Variants in DNER observed in about 807,000 individuals in gnomAD.
DNER encodes delta and Notch-like epidermal growth factor-related receptor.
A neutral mutation model predicts 78.2 loss-of-function variants in DNER; 33 were observed. The observed-to-expected ratio is 0.42, with a 90% CI of 0.32 to 0.56. DNER has a LOEUF of 0.56. Among genes scored for constraint, DNER ranks in the 20% least tolerant of loss-of-function variants. DNER has a pLI of 0.11. For missense variants in DNER, 918 were observed against 975.3 expected, an observed-to-expected ratio of 0.94 and a Z score of 0.78; for synonymous variants, 417 against 384.8, an observed-to-expected ratio of 1.08 and a Z score of -0.98.
At chr2:229,556,312 G>T (rs1696855356) in intron 4 of DNER, among the ~76,000 whole-genome samples, 1 of 152,236 alleles carries the variant, frequency 6.6e-6, no homozygotes. Context: ...TTCTTAACTA[G>T]TGTTGAAACC....
chr2:229,567,889 C>T (rs756686539), intron 4 of DNER, among the ~76,000 whole-genome samples: 11 of 152,172 alleles, frequency 7.2e-5, no homozygotes, highest in Non-Finnish European at 1.6e-4. Context: ...AAGTCTTGTA[C>T]CGCTATCTGA....
intron 8 of DNER, among the ~76,000 whole-genome samples, chr2:229,422,686 A>G (rs1463834335): frequency 6.6e-6 from 1 of 152,160 alleles, no homozygotes; most frequent in African/African-American, 2.4e-5. Flanking sequence ...AGTTGGAAGT[A>G]TGCGTGTAAA....
At chr2:229,663,159 A>T (rs1452635250) in intron 1 of DNER, among the ~76,000 whole-genome samples, 2 of 152,200 alleles carry the variant, frequency 1.3e-5, no homozygotes, top group African/African-American at 4.8e-5. Flanking sequence ...AAAATGCAAA[A>T]AGAAAAATTC....
intron 9 of DNER, among the ~76,000 whole-genome samples, chr2:229,410,669 G>T (rs886434537): frequency 1.3e-5 from 2 of 152,174 alleles, no homozygotes; most frequent in Non-Finnish European, 2.9e-5. Context: ...CGTATTAAGG[G>T]ATGGAGAAGA....
At chr2:229,414,912 C>T (rs1693611242) in intron 9 of DNER, among the ~76,000 whole-genome samples, 1 of 152,168 alleles carries the variant, frequency 6.6e-6, no homozygotes, top group Admixed American at 6.5e-5. Flanking sequence ...TCTGCAATCC[C>T]AGCACTTCGG....
intron 1 of DNER, among the ~76,000 whole-genome samples, chr2:229,635,827 T>C (rs1024399604): frequency 1.6e-4 from 25 of 152,154 alleles, no homozygotes; most frequent in East Asian, 1.2e-3. Context: ...AAAACAAATA[T>C]TTTGTGTAGT....
rs866597774 is a variant in DNER, at chr2:229,515,644, T to A, written c.994-2708A>T. 4.6e-4 allele frequency among the ~76,000 whole-genome samples: 61 copies of A among 133,096 alleles called. 1 individual carries two copies. The highest frequency in any genetic ancestry group is 1.3e-3 in the African/African-American group (44 of 32,886). The allele number at this position is 133,096 out of a possible 152,430, so 87.3% of individuals were successfully genotyped here. On this transcript the variant is annotated intron_variant, in intron 5 of 12. Coordinates refer to ENST00000341772, the MANE Select transcript of DNER (RefSeq NM_139072.4). Reference sequence around the variant, plus strand: ...AATATCTTCAAGTTAGCTTTATTTTTTTATTTTTTTTTTTTTGAGACAGTC... The same window carrying A: ...AATATCTTCAAGTTAGCTTTATTTTATTATTTTTTTTTTTTTGAGACAGTC...
chr2:229,358,451 C>T lies in DNER; in HGVS notation c.*89G>A. On this transcript the variant is annotated 3_prime_UTR_variant, in exon 13 of 13. Coordinates refer to ENST00000341772, the MANE Select transcript of DNER (RefSeq NM_139072.4). ...CTACTGAAAACTCTTGAGCAGCTAG[C>T]ATTTTAAATTTCTTAAGCTTTTTAT... The T allele has an allele frequency of 9.7e-7, 1 of 1,028,364 alleles. No individual in the cohort carries two copies. The allele number at this position is 1,028,364 out of a possible 1,614,324, so 63.7% of individuals were successfully genotyped here.
chr2:229,401,120 A>G (rs550966389), intron 10 of DNER, among the ~76,000 whole-genome samples: 1 of 152,240 alleles, frequency 6.6e-6, no homozygotes, highest in Admixed American at 6.5e-5. Flanking sequence ...TGAAACCCCA[A>G]TGAGCTATCA....
intron 4 of DNER, among the ~76,000 whole-genome samples, chr2:229,571,121 A>G (rs2154214016): frequency 6.6e-6 from 1 of 152,218 alleles, no homozygotes; most frequent in East Asian, 1.9e-4. Context: ...GGGCCATGCT[A>G]GTAGCCGTGA....
chr2:229,644,092 C>A (rs1336132553), intron 1 of DNER, among the ~76,000 whole-genome samples: 1 of 152,180 alleles, frequency 6.6e-6, no homozygotes, highest in African/African-American at 2.4e-5. Flanking sequence ...ATCAGCCCTG[C>A]ACCTGCCCCC....
At chr2:229,496,787 G>A (rs1382073867) in intron 6 of DNER, among the ~76,000 whole-genome samples, 1 of 152,126 alleles carries the variant, frequency 6.6e-6, no homozygotes, top group African/African-American at 2.4e-5. Flanking sequence ...CCCAACTTCA[G>A]AGCCCCTACA....
chr2:229,529,791 C>T (rs752123088), intron 5 of DNER, among the ~76,000 whole-genome samples: 18 of 152,128 alleles, frequency 1.2e-4, no homozygotes, highest in East Asian at 5.8e-4. Context: ...AAGAATTCCT[C>T]GAGCCCAGAA....
intron 7 of DNER, among the ~76,000 whole-genome samples, chr2:229,459,694 A>G (rs1330338364): frequency 6.6e-6 from 1 of 152,038 alleles, no homozygotes; most frequent in African/African-American, 2.4e-5. Flanking sequence ...TGCTTCTCAC[A>G]AGAGAGTTCG....
At chr2:229,400,157 G>T (rs1286370566) in intron 10 of DNER, among the ~76,000 whole-genome samples, 1 of 151,990 alleles carries the variant, frequency 6.6e-6, no homozygotes, top group Non-Finnish European at 1.5e-5. Flanking sequence ...GGTGTGAAGG[G>T]TTTACAAATA....
intron 11 of DNER, among the ~76,000 whole-genome samples, chr2:229,387,612 C>T (rs13424682): frequency 2.0e-5 from 3 of 151,644 alleles, no homozygotes; most frequent in Non-Finnish European, 4.4e-5. Context: ...CAAGCAAGCT[C>T]GATTCCATGT....
chr2:229,579,487 T>C (rs372663496), intron 4 of DNER, among the ~76,000 whole-genome samples: 1 of 152,192 alleles, frequency 6.6e-6, no homozygotes, highest in Non-Finnish European at 1.5e-5. Flanking sequence ...AAAGGAAATA[T>C]CACTGGGTGA....
intron 6 of DNER, among the ~76,000 whole-genome samples, chr2:229,502,397 C>T (rs1209021108): frequency 6.6e-6 from 1 of 151,606 alleles, no homozygotes; most frequent in Admixed American, 6.6e-5. Flanking sequence ...CCTCTTGCAC[C>T]CTCCTTGGGC....
intron 1 of DNER, among the ~76,000 whole-genome samples, chr2:229,658,502 C>T (rs1698949991): frequency 6.6e-6 from 1 of 152,142 alleles, no homozygotes; most frequent in Non-Finnish European, 1.5e-5. Flanking sequence ...AATGATGCTT[C>T]CAAAGATTCA....
Sources: gnomAD v4.1 joint callset for allele counts (sites outside exome capture counted in the v4.1 genomes callset) on GRCh38, gnomAD v4.1.1 for gene constraint, MANE v1.5 for transcripts, NCBI Gene and HGNC (gene_info 2026-07-23, HGNC 2026-07-21) for gene names.